The following SYTL2 variants were observed in gnomAD, a reference collection of about 807,000 sequenced individuals.
SYTL2 encodes the protein synaptotagmin-like protein 2.
In SYTL2, 165 loss-of-function variants were observed where a neutral mutation model predicts 198.7. That is an observed-to-expected ratio of 0.83 (90% CI 0.73 to 0.94). The LOEUF (loss-of-function observed/expected upper bound fraction) is 0.94, where lower values mean the gene tolerates loss of function less well. Ranked by LOEUF, SYTL2 falls within the 40% of genes least tolerant of loss-of-function variation. SYTL2 has a pLI of 0.00. For missense variants in SYTL2, 2,835 were observed against 2,582.8 expected, an observed-to-expected ratio of 1.10 and a Z score of -2.12; for synonymous variants, 966 against 917.7, an observed-to-expected ratio of 1.05 and a Z score of -0.95.
the SYTL2 span, among the ~76,000 whole-genome samples, chr11:85,832,998 AAAAAAAAG>A: frequency 2.9e-3 from 312 of 106,606 alleles, 18 homozygotes; most frequent in African/African-American, 6.1e-3. Context: ...CCTGTCTCAA[AAAAAAAAG>A]AAAGAAAAGA....
At chr11:85,750,953 T>A (rs1157804201) in intron 2 of SYTL2, among the ~76,000 whole-genome samples, 2 of 152,188 alleles carry the variant, frequency 1.3e-5, no homozygotes, top group Non-Finnish European at 2.9e-5. Flanking sequence ...TTTTTGTTTT[T>A]CAACTAAAAT....
At chr11:85,743,479 G>C (rs149614539) in intron 4 of SYTL2, among the ~76,000 whole-genome samples, 1 of 151,968 alleles carries the variant, frequency 6.6e-6, no homozygotes, top group South Asian at 2.1e-4. Flanking sequence ...TCATGCCACC[G>C]GAAAATGGCC....
intron 1 of SYTL2, among the ~76,000 whole-genome samples, chr11:85,759,016 G>T (rs2092002164): frequency 6.6e-6 from 1 of 152,030 alleles, no homozygotes; most frequent in Admixed American, 6.5e-5. Context: ...AGGCCAAGGT[G>T]GGTGGATCAC....
the SYTL2 span, among the ~76,000 whole-genome samples, chr11:85,820,554 G>C: frequency 6.6e-6 from 1 of 152,172 alleles, no homozygotes; most frequent in Non-Finnish European, 1.5e-5. Context: ...TTCTAACTCT[G>C]GGGGTGAGGC....
intron 8 of SYTL2, among the ~76,000 whole-genome samples, chr11:85,722,726 TTAAA>T (rs1297004853): frequency 6.6e-6 from 1 of 151,912 alleles, no homozygotes; most frequent in African/African-American, 2.4e-5. Context: ...ACTTTAGAGA[TTAAA>T]TAAATTTAGA....
intron 1 of SYTL2, among the ~76,000 whole-genome samples, chr11:85,797,195 C>T (rs1366083650): frequency 7.2e-5 from 11 of 152,202 alleles, no homozygotes; most frequent in Non-Finnish European, 1.5e-5. Flanking sequence ...CTATTCAGTT[C>T]TTCTGAATTA....
chr11:85,844,039 G>T, the SYTL2 span, among the ~76,000 whole-genome samples: 1 of 152,148 alleles, frequency 6.6e-6, no homozygotes, highest in African/African-American at 2.4e-5. Context: ...GATAGAAGAA[G>T]GATTTTTCAA....
rs1437361402 is a variant in SYTL2 at position 85,724,439 on chromosome 11, C to A, written c.4919G>T (p.Gly1640Val). 6.2e-7 allele frequency: 1 copy of A among 1,611,376 alleles called. No individual in the cohort carries two copies. The highest frequency in any genetic ancestry group is 8.5e-7 in the Non-Finnish European group (1 of 1,179,126). The change falls in exon 8 of 20, where the codon GGA becomes GTA. Residue 1640 changes from glycine (G) to valine (V), a missense_variant. Gly to Val is a moderately radical substitution (Grantham distance 109). Around this residue, in one of 3 missense-constraint regions of SYTL2, gnomAD observed 2,645 missense variants for 2,381.7 expected, o/e 1.11. Transcript: ENST00000359152. The part of the protein sequence containing the change: ...SQVNQCDKML[G>V]GDALVTDLLV... ...TAAATCAGTCACAAGTGCGTCTCCT[C>A]CCAACATTTTATCACATTGGTTGAC...
the SYTL2 span, among the ~76,000 whole-genome samples, chr11:85,828,315 T>C: frequency 1.2e-4 from 19 of 152,344 alleles, no homozygotes; most frequent in African/African-American, 4.1e-4. Context: ...TTCCAAAATA[T>C]GTTTGAATTA....
chr11:85,696,586 C>T (rs1318501138), intron 18 of SYTL2, 198 bp from the exon 19 acceptor site: 4 of 580,900 alleles, frequency 6.9e-6, no homozygotes, highest in Non-Finnish European at 9.2e-6. Context: ...CTAGAGTCAG[C>T]TATACTTGGT....
At chr11:85,714,350 C>T in intron 12 of SYTL2, 63 bp downstream of exon 12, 1 of 1,345,154 alleles carries the variant, frequency 7.4e-7, no homozygotes. Context: ...AACACACCAA[C>T]CTTGGCATAG....
At chr11:85,843,981 A>G in the SYTL2 span, among the ~76,000 whole-genome samples, 1 of 152,234 alleles carries the variant, frequency 6.6e-6, no homozygotes, top group Non-Finnish European at 1.5e-5. Context: ...TATATCTCTC[A>G]GTCTCACCAG....
chr11:85,843,916 C>T, the SYTL2 span, among the ~76,000 whole-genome samples: 1 of 152,036 alleles, frequency 6.6e-6, no homozygotes, highest in Admixed American at 6.6e-5. Flanking sequence ...CTGAACTGAC[C>T]CCAAGTTCAT....
chr11:85,714,358 T>C, intron 12 of SYTL2, 55 bp downstream of exon 12: 1 of 1,399,884 alleles, frequency 7.1e-7, no homozygotes, highest in Non-Finnish European at 1.0e-6. Flanking sequence ...AACCTTGGCA[T>C]AGCAATTCCA....
intron 9 of SYTL2, chr11:85,719,396 G>T: frequency 1.0e-6 from 1 of 991,856 alleles, no homozygotes; most frequent in Non-Finnish European, 1.2e-6. Context: ...TCAGCTGATG[G>T]TGATTTTTTT....
chr11:85,787,930 G>C (rs2092664344), intron 1 of SYTL2, among the ~76,000 whole-genome samples: 1 of 152,062 alleles, frequency 6.6e-6, no homozygotes, highest in African/African-American at 2.4e-5. Context: ...GCCCTAGTCT[G>C]TTCTTACCCA....
At position 85,727,916 on chromosome 11, in the gene SYTL2, C is replaced by G; in HGVS notation, c.1442G>C (p.Ser481Thr). ...EPEPSQVPGG[S>T]SRDRQQGKPP... ...CTTACCTTGCTGACGGTCTCTAGAA[C>G]TGCCACCTGGCACCTGAGATGGCTC... Residue 481 changes from serine to threonine, a missense_variant, in exon 8 of 20, where the codon AGT (serine) becomes ACT (threonine). By Grantham distance (58) the Ser-to-Thr change is moderately conservative. This residue lies in a region of SYTL2 where 2,645 missense variants were observed against 2,381.7 expected (regional missense o/e 1.11). Transcript: ENST00000359152. 2 of 1,613,566 alleles carry G rather than the reference C, an allele frequency of 1.2e-6. No individual in the cohort carries two copies. Among genetic ancestry groups the G allele is most frequent in the South Asian group, 2.2e-5 (2 of 90,984 alleles).
chr11:85,705,229 T>C (rs2084945893), intron 15 of SYTL2: 1 of 456,936 alleles, frequency 2.2e-6, no homozygotes, highest in Non-Finnish European at 3.9e-6. Context: ...AAAGCTGATT[T>C]GCTTCCCCAC....
intron 1 of SYTL2, among the ~76,000 whole-genome samples, chr11:85,805,783 C>T (rs755573554): frequency 5.3e-5 from 8 of 152,170 alleles, no homozygotes; most frequent in Non-Finnish European, 1.0e-4. Context: ...ACTCAGAAGG[C>T]AAATACGTGG....
Sources: gnomAD v4.1 joint callset for allele counts (sites outside exome capture counted in the v4.1 genomes callset) on GRCh38, gnomAD v4.1.1 for gene constraint, gnomAD v4.1.1 regional missense constraint, MANE v1.5 for transcripts, NCBI Gene and HGNC (gene_info 2026-07-23, HGNC 2026-07-21) for gene names.